The following HPSE2 variants were observed in gnomAD, a reference collection of about 807,000 sequenced individuals.
HPSE2 encodes the protein inactive heparanase-2.
HPSE2 carries 38 observed loss-of-function variants against 60.5 expected under a neutral mutation model. That is an observed-to-expected ratio of 0.63 (90% confidence interval 0.48 to 0.82). The LOEUF (loss-of-function observed/expected upper bound fraction) is 0.82. Ranked by LOEUF, HPSE2 falls within the 40% of genes least tolerant of loss-of-function variation. HPSE2 has a pLI of 0.00. For synonymous variants in HPSE2, 295 were observed against 293.2 expected (o/e 1.01, Z -0.06); for missense variants, 713 against 740.4 (o/e 0.96, Z 0.43).
At chr10:98,981,158 T>C (rs764402788) in intron 3 of HPSE2, among the ~76,000 whole-genome samples, 1 of 152,186 alleles carries the variant, frequency 6.6e-6, no homozygotes, top group Non-Finnish European at 1.5e-5. Flanking sequence ...TCTACACTTA[T>C]ATAACCAGGT....
intron 3 of HPSE2, among the ~76,000 whole-genome samples, chr10:98,867,801 T>G (rs1952627500): frequency 6.6e-6 from 1 of 152,178 alleles, no homozygotes; most frequent in Admixed American, 6.5e-5. Flanking sequence ...GGCTCATGCC[T>G]GTAATCCCAG....
upstream of HPSE2, among the ~76,000 whole-genome samples, chr10:99,237,045 A>AGCCGCTGTGATGCACGACCC (rs1238888951): frequency 1.3e-5 from 2 of 152,170 alleles, no homozygotes; most frequent in Non-Finnish European, 2.9e-5. Context: ...AACAGCCGGA[A>AGCCGCTGTGATGCACGACCC]GCCGCTGTGA....
chr10:99,288,585 G>A, the HPSE2 span, among the ~76,000 whole-genome samples: 2 of 151,764 alleles, frequency 1.3e-5, no homozygotes, highest in African/African-American at 4.8e-5. Context: ...AAAAATACAT[G>A]GGATCCAGGA....
At chr10:99,262,738 A>G in the HPSE2 span, among the ~76,000 whole-genome samples, 28 of 152,212 alleles carry the variant, frequency 1.8e-4, 1 homozygote, top group African/African-American at 6.7e-4. Flanking sequence ...GTGCCTTATC[A>G]ACCAAGTTGT....
At chr10:98,903,988 G>GT (rs1479026182) in intron 3 of HPSE2, among the ~76,000 whole-genome samples, 3 of 152,090 alleles carry the variant, frequency 2.0e-5, no homozygotes, top group Non-Finnish European at 4.4e-5. Flanking sequence ...CAAAGTTCCA[G>GT]TTTTTCAACT....
intron 3 of HPSE2, among the ~76,000 whole-genome samples, chr10:98,846,501 T>G (rs1017688860): frequency 7.9e-5 from 12 of 152,218 alleles, no homozygotes; most frequent in Non-Finnish European, 1.6e-4. Flanking sequence ...TTTTTCTCCT[T>G]GTTGTTGAGG....
At chr10:98,685,376 G>C (rs771673430) in intron 6 of HPSE2, among the ~76,000 whole-genome samples, 5 of 152,112 alleles carry the variant, frequency 3.3e-5, no homozygotes, top group Non-Finnish European at 7.4e-5. Context: ...CAAAATGCGG[G>C]ACATTGCAAT....
intron 4 of HPSE2, among the ~76,000 whole-genome samples, chr10:98,729,273 C>A (rs1307793733): frequency 6.6e-5 from 10 of 151,982 alleles, no homozygotes; most frequent in Non-Finnish European, 1.3e-4. Context: ...ATTTCAGATT[C>A]AAAAATACAA....
intron 3 of HPSE2, among the ~76,000 whole-genome samples, chr10:98,746,479 T>C (rs1213418273): frequency 6.6e-6 from 1 of 152,012 alleles, no homozygotes; most frequent in African/African-American, 2.4e-5. Flanking sequence ...ATAACCTTTA[T>C]TTAAATTAAA....
At chr10:99,261,737 A>G in the HPSE2 span, among the ~76,000 whole-genome samples, 12 of 152,346 alleles carry the variant, frequency 7.9e-5, no homozygotes, top group East Asian at 2.1e-3. Context: ...AATAGAGAAG[A>G]GTTGCAATTA....
At chr10:99,287,395 A>G in the HPSE2 span, among the ~76,000 whole-genome samples, 2 of 152,080 alleles carry the variant, frequency 1.3e-5, no homozygotes, top group African/African-American at 4.8e-5. Context: ...GCCAACATGG[A>G]GTGTCCAAGC....
At chr10:99,079,848 A>T (rs1843072653) in intron 3 of HPSE2, among the ~76,000 whole-genome samples, 1 of 152,164 alleles carries the variant, frequency 6.6e-6, no homozygotes, top group Admixed American at 6.5e-5. Context: ...AGGTCCTGTC[A>T]GCACTCCAAG....
chr10:98,878,412 A>C (rs1057287628), intron 3 of HPSE2, among the ~76,000 whole-genome samples: 1 of 151,968 alleles, frequency 6.6e-6, no homozygotes, highest in African/African-American at 2.4e-5. Context: ...GGCACAGTTA[A>C]ACAAGAAAGA....
At chr10:99,080,507 T>C (rs2135571403) in intron 3 of HPSE2, among the ~76,000 whole-genome samples, 1 of 152,316 alleles carries the variant, frequency 6.6e-6, no homozygotes, top group East Asian at 1.9e-4. Context: ...CTTAGGTATG[T>C]GAGAAAATAA....
chr10:98,536,574 G>T (rs1042300827), intron 9 of HPSE2, among the ~76,000 whole-genome samples: 3 of 152,206 alleles, frequency 2.0e-5, no homozygotes, highest in African/African-American at 7.2e-5. Flanking sequence ...AGTCATGTTT[G>T]CCATCTAAGG....
chr10:98,781,692 T>C (rs1218701273), intron 3 of HPSE2, among the ~76,000 whole-genome samples: 1 of 151,984 alleles, frequency 6.6e-6, no homozygotes, highest in African/African-American at 2.4e-5. Flanking sequence ...TAATTTAATA[T>C]CCAATATTAA....
At chr10:98,600,895 A>ATATAGGTGTGTG (rs1945391517) in intron 9 of HPSE2, among the ~76,000 whole-genome samples, 1 of 69,408 alleles carries the variant, frequency 1.4e-5, no homozygotes, top group African/African-American at 4.1e-5. Flanking sequence ...ATATATACGT[A>ATATAGGTGTGTG]TATATATGTG....
At chr10:98,997,899 A>G (rs1286621688) in intron 3 of HPSE2, among the ~76,000 whole-genome samples, 2 of 152,314 alleles carry the variant, frequency 1.3e-5, no homozygotes, top group East Asian at 3.9e-4. Context: ...GAGCATGACC[A>G]GCACGATGTG....
In HPSE2 at chr10:98,990,856, A is replaced by G. The variant is rs903764542; in HGVS notation, c.610+153382T>C. 2.0e-5 allele frequency among the ~76,000 whole-genome samples: 3 copies of G among 152,158 alleles called. No individual in the cohort carries two copies. In the East Asian group the frequency reaches 5.8e-4, roughly 29 times the overall value. ...CTCCATTCTTCTGCAATCATTTCAC[A>G]TTACCTACACATACACACAAAATGT... On this transcript the variant is annotated intron_variant, in intron 3 of 11. Coordinates refer to ENST00000370552, the MANE Select transcript of HPSE2 (RefSeq NM_021828.5).
Sources: allele counts gnomAD v4.1 joint callset (sites outside exome capture counted in the v4.1 genomes callset), GRCh38; gene constraint gnomAD v4.1.1; transcripts MANE v1.5; gene names NCBI Gene and HGNC (gene_info 2026-07-23, HGNC 2026-07-21).